KIAA1549L: variants seen among roughly 807,000 people sequenced by gnomAD.
KIAA1549L encodes the protein UPF0606 protein KIAA1549L.
Under a neutral mutation model 160.7 loss-of-function variants are expected in KIAA1549L, and 88 were observed. The ratio of observed to expected loss-of-function variants is 0.55; its 90% CI spans 0.46 to 0.65. The LOEUF is 0.65. KIAA1549L is among the 30% of genes least tolerant of loss of function. KIAA1549L has a pLI of 0.00. For synonymous variants in KIAA1549L, 950 were observed against 976.7 expected, an observed-to-expected ratio of 0.97 and a Z score of 0.51; for missense variants, 2,258 against 2,437.5, an observed-to-expected ratio of 0.93 and a Z score of 1.55.
chr11:33,570,607 G>A (rs971373337), intron 9 of KIAA1549L, among the ~76,000 whole-genome samples: 1 of 152,064 alleles, frequency 6.6e-6, no homozygotes, highest in Non-Finnish European at 1.5e-5. Flanking sequence ...TTCACTCTAC[G>A]TGGGTTACAA....
chr11:33,532,292 C>T (rs1853792254), intron 1 of KIAA1549L, among the ~76,000 whole-genome samples: 1 of 152,196 alleles, frequency 6.6e-6, no homozygotes, highest in African/African-American at 2.4e-5. Flanking sequence ...TTCTGACAAT[C>T]CATGATTTGC....
At chr11:33,648,402 A>C (rs1851787863) in intron 17 of KIAA1549L, among the ~76,000 whole-genome samples, 1 of 151,774 alleles carries the variant, frequency 6.6e-6, no homozygotes, top group African/African-American at 2.4e-5. Context: ...CTAACAATAC[A>C]GAGTAGAAAT....
At chr11:33,590,576 G>A (rs945326544) in intron 11 of KIAA1549L, among the ~76,000 whole-genome samples, 2 of 152,214 alleles carry the variant, frequency 1.3e-5, no homozygotes, top group African/African-American at 4.8e-5. Flanking sequence ...CATTATAGGA[G>A]AGCCAGCCTA....
chr11:33,430,982 G>A (rs931166339), intron 1 of KIAA1549L, among the ~76,000 whole-genome samples: 1 of 152,050 alleles, frequency 6.6e-6, no homozygotes, highest in Non-Finnish European at 1.5e-5. Context: ...TCTGGAGTTT[G>A]TTCCTTCTGA....
intron 1 of KIAA1549L, among the ~76,000 whole-genome samples, chr11:33,405,710 C>CG (rs778682457): frequency 2.6e-5 from 4 of 151,530 alleles, no homozygotes; most frequent in Non-Finnish European, 5.9e-5. Context: ...GGCGTGGTGG[C>CG]GGGCACCTGT....
At chr11:33,647,901 A>G (rs776434491) in intron 17 of KIAA1549L, among the ~76,000 whole-genome samples, 10 of 152,224 alleles carry the variant, frequency 6.6e-5, no homozygotes, top group Non-Finnish European at 1.5e-4. Flanking sequence ...AGCATTATAT[A>G]TATATTATAA....
chr11:33,583,858 C>T (rs1350361334), intron 11 of KIAA1549L, among the ~76,000 whole-genome samples: 3 of 152,166 alleles, frequency 2.0e-5, no homozygotes, highest in African/African-American at 7.2e-5. Context: ...CCTCCTTTCA[C>T]CCATGAAAAG....
intron 1 of KIAA1549L, among the ~76,000 whole-genome samples, chr11:33,490,232 GA>G (rs1852625572): frequency 6.6e-6 from 1 of 152,110 alleles, no homozygotes; most frequent in African/African-American, 2.4e-5. Context: ...GAACACTGGG[GA>G]GAACAGATTA....
chr11:33,656,704 CT>C (rs1326864154), intron 18 of KIAA1549L, among the ~76,000 whole-genome samples: 1 of 152,228 alleles, frequency 6.6e-6, no homozygotes, highest in Non-Finnish European at 1.5e-5. Context: ...ATGTGGACCA[CT>C]GCCCTGGCCT....
At chr11:33,592,440 G>T (rs910579509) in intron 12 of KIAA1549L, among the ~76,000 whole-genome samples, 3 of 152,172 alleles carry the variant, frequency 2.0e-5, no homozygotes, top group African/African-American at 7.2e-5. Flanking sequence ...ATGGCAAGCC[G>T]CGTTGGCTGG....
intron 11 of KIAA1549L, among the ~76,000 whole-genome samples, chr11:33,588,521 C>T (rs781767863): frequency 6.6e-5 from 10 of 152,094 alleles, no homozygotes; most frequent in Admixed American, 1.3e-4. Context: ...TTGGAAGCAA[C>T]GAGACCGAGG....
rs1554987785 is a variant in KIAA1549L at position 33,543,028 on chromosome 11, G to A, written c.1465G>A (p.Ala489Thr). 1.2e-6 allele frequency: 2 copies of A among 1,613,930 alleles called. No individual in the cohort carries two copies. Among genetic ancestry groups the A allele is most frequent in the South Asian group, 2.2e-5 (2 of 91,086 alleles). Residue 489 changes from alanine to threonine, a missense_variant, in exon 2 of 21, where the codon GCG becomes ACG. Around this residue, in one of 6 missense-constraint regions of KIAA1549L, gnomAD observed 540 missense variants for 465.7 expected, o/e 1.16. Coordinates refer to ENST00000658780, the MANE Select transcript of KIAA1549L (RefSeq NM_012194.3). ...LGQEQAILSG[A>T]VPASPSTGTA... ...TCAAGAGCAAGCCATCCTTTCTGGGGCGGTTCCCGCATCACCATCAACTGG... is the reference window on the plus strand; with the variant it reads ...TCAAGAGCAAGCCATCCTTTCTGGGACGGTTCCCGCATCACCATCAACTGG...
At chr11:33,416,997 C>T (rs1337159781) in intron 1 of KIAA1549L, among the ~76,000 whole-genome samples, 2 of 152,220 alleles carry the variant, frequency 1.3e-5, no homozygotes, top group African/African-American at 4.8e-5. Context: ...TGCTCTGTAA[C>T]TTGCTCCTCA....
intron 19 of KIAA1549L, among the ~76,000 whole-genome samples, chr11:33,660,655 A>C (rs1156952221): frequency 1.3e-5 from 2 of 152,148 alleles, no homozygotes; most frequent in East Asian, 3.8e-4. Context: ...CATCATGGCC[A>C]GGTCCACTGC....
At chr11:33,520,757 T>G in intron 1 of KIAA1549L, among the ~76,000 whole-genome samples, 1 of 138,486 alleles carries the variant, frequency 7.2e-6, no homozygotes. Flanking sequence ...TCTCTCCCCC[T>G]CTCTCGTAAT....
intron 16 of KIAA1549L, among the ~76,000 whole-genome samples, chr11:33,643,415 G>T (rs1461762939): frequency 6.6e-6 from 1 of 152,116 alleles, no homozygotes; most frequent in Admixed American, 6.5e-5. Context: ...TTTGCCCTAA[G>T]GCACAACTAT....
intron 1 of KIAA1549L, among the ~76,000 whole-genome samples, chr11:33,540,893 A>T (rs940146452): frequency 1.3e-5 from 2 of 152,190 alleles, no homozygotes; most frequent in African/African-American, 4.8e-5. Flanking sequence ...AACAAACCTG[A>T]TGTAGTATTG....
chr11:33,486,097 T>A (rs1838445810), intron 1 of KIAA1549L, among the ~76,000 whole-genome samples: 1 of 152,208 alleles, frequency 6.6e-6, no homozygotes. Context: ...AGTGCAGGTA[T>A]CTCCTTGACA....
chr11:33,464,447 C>T (rs1299024029), intron 1 of KIAA1549L, among the ~76,000 whole-genome samples: 1 of 151,386 alleles, frequency 6.6e-6, no homozygotes, highest in East Asian at 2.0e-4. Flanking sequence ...GCATCATAGG[C>T]CCAAATGCCT....
Sources: allele counts gnomAD v4.1 joint callset (sites outside exome capture counted in the v4.1 genomes callset), GRCh38; gene constraint gnomAD v4.1.1; regional missense constraint gnomAD v4.1.1; transcripts MANE v1.5; gene names NCBI Gene and HGNC (gene_info 2026-07-23, HGNC 2026-07-21).